MAP3K2: variants seen among roughly 807,000 people sequenced by gnomAD.
MAP3K2 encodes mitogen-activated protein kinase kinase kinase 2, also known as MAP/ERK kinase kinase 2.
A neutral mutation model predicts 80.3 loss-of-function variants in MAP3K2; 24 were observed. The ratio of observed to expected loss-of-function variants is 0.30; its 90% CI spans 0.22 to 0.42. The LOEUF is 0.42. MAP3K2 is among the 10% of genes least tolerant of loss of function. The pLI is 1.00. For missense variants in MAP3K2, 608 were observed against 750.1 expected, an observed-to-expected ratio of 0.81 and a Z score of 2.21; for synonymous variants, 244 against 253.7, an observed-to-expected ratio of 0.96 and a Z score of 0.36.
In MAP3K2 at chr2:127,347,707, T is replaced by A. The variant is rs192203543; in HGVS notation, c.-65-4513A>T. Among the ~76,000 whole-genome samples, 42 of 152,272 alleles carry A rather than the reference T, an allele frequency of 2.8e-4. 1 individual carries two copies. Among genetic ancestry groups the A allele is most frequent in the Admixed American group, 2.7e-3 (41 of 15,300 alleles). On this transcript the variant is annotated intron_variant, in intron 1 of 16. Transcript: ENST00000682094. Reference sequence around the variant, plus strand: ...AATGAACTCTCTATCAAAATTCCAATGGCCTCTTTTAGCAGAAACGGAAAA... The same window carrying A: ...AATGAACTCTCTATCAAAATTCCAAAGGCCTCTTTTAGCAGAAACGGAAAA...
At chr2:127,388,206 C>T (rs1169880824), upstream of MAP3K2, 5 of 985,378 alleles carry the variant, frequency 5.1e-6, no homozygotes, top group African/African-American at 1.7e-5. Flanking sequence ...GCCCCTGCCC[C>T]GGGGCAGCCT....
intron 1 of MAP3K2, among the ~76,000 whole-genome samples, chr2:127,370,638 C>T (rs1461469470): frequency 3.3e-5 from 5 of 152,186 alleles, no homozygotes; most frequent in Non-Finnish European, 7.3e-5. Flanking sequence ...TGTTGTATCC[C>T]ATAACCCATG....
chr2:127,363,199 C>T (rs1558987999), intron 1 of MAP3K2, among the ~76,000 whole-genome samples: 2 of 152,080 alleles, frequency 1.3e-5, no homozygotes, highest in Non-Finnish European at 2.9e-5. Flanking sequence ...ACCAATCCCC[C>T]GCAGATACCA....
chr2:127,344,036 T>C (rs1167560352), intron 1 of MAP3K2, among the ~76,000 whole-genome samples: 1 of 151,840 alleles, frequency 6.6e-6, no homozygotes, highest in Non-Finnish European at 1.5e-5. Flanking sequence ...TTGTATACCA[T>C]TGCAATTAAG....
At chr2:127,378,951 C>T (rs576859346) in intron 1 of MAP3K2, among the ~76,000 whole-genome samples, 2 of 150,342 alleles carry the variant, frequency 1.3e-5, no homozygotes, top group South Asian at 2.1e-4. Flanking sequence ...TGTGCTATCA[C>T]GTCTGGCTAA....
chr2:127,314,684 C>T lies in MAP3K2; in HGVS notation c.1456+70G>A, dbSNP rs1685867548. On this transcript the variant is annotated intron_variant, in intron 15 of 16. Coordinates refer to ENST00000682094, the MANE Select transcript of MAP3K2 (RefSeq NM_001371910.2). ...GATGAATTAATGTTAAATGTCTTAC[C>T]CACATCACTTGTTTCATTCACATTC... 6 of 1,210,582 alleles carry T rather than the reference C, an allele frequency of 5.0e-6. No individual in the cohort carries two copies. The East Asian group carries it at 7.1e-5, about 14-fold the overall frequency. The allele number at this position is 1,210,582 out of a possible 1,614,324, so 75.0% of individuals were successfully genotyped here.
chr2:127,354,003 G>A (rs1488579214), intron 1 of MAP3K2, among the ~76,000 whole-genome samples: 1 of 151,772 alleles, frequency 6.6e-6, no homozygotes, highest in Non-Finnish European at 1.5e-5. Flanking sequence ...TGGATTAAGG[G>A]CGGTACAAGA....
intron 2 of MAP3K2, among the ~76,000 whole-genome samples, chr2:127,342,388 G>GTTGT (rs3223159): frequency 6.8e-6 from 1 of 147,744 alleles, no homozygotes; most frequent in Non-Finnish European, 1.5e-5. Flanking sequence ...TCTTCATGAG[G>GTTGT]GTGTGTGTGT....
chr2:127,305,886 C>T lies in MAP3K2; in HGVS notation c.*1693G>A, dbSNP rs1247572071. 6.7e-6 allele frequency: 1 copy of T among 149,846 alleles called. No homozygotes were observed. Among genetic ancestry groups the T allele is most frequent in the Non-Finnish European group, 1.5e-5 (1 of 67,604 alleles). 9.3% of individuals were successfully genotyped at this position (149,846 alleles called of 1,614,324 possible). A position where few individuals can be genotyped will look rare whatever the true frequency, so the allele number is the denominator to read the frequency against. On this transcript the variant is annotated 3_prime_UTR_variant, in exon 17 of 17. Coordinates refer to ENST00000682094, the MANE Select transcript of MAP3K2 (RefSeq NM_001371910.2). The stretch of plus-strand genomic sequence containing the variant: ...ACATTGTACTAGAAATACGTGGCAG[C>T]TTTTTAACCTTCCCATTAGTAGTTA...
chr2:127,376,387 A>G (rs983267450), intron 1 of MAP3K2, among the ~76,000 whole-genome samples: 2 of 152,258 alleles, frequency 1.3e-5, no homozygotes, highest in South Asian at 4.1e-4. Flanking sequence ...TTGTCATTAA[A>G]TCTATACTGA....
rs1459104299 is a variant in MAP3K2, at chr2:127,302,042, AC to A, written c.*5536del. The A allele has an allele frequency of 1.3e-5, 2 of 152,222 alleles. No individual in the cohort carries two copies. The highest frequency in any genetic ancestry group is 2.9e-5 in the Non-Finnish European group (2 of 68,032). The allele number at this position is 152,222 out of a possible 1,614,324, so 9.4% of individuals were successfully genotyped here. Reference sequence around the variant, plus strand: ...TTCCCCTAGCCAACCAAAAAGAGGTACAAGAGAATTTCCTTGTGAATACTTG... The same window carrying A: ...TTCCCCTAGCCAACCAAAAAGAGGTAAAGAGAATTTCCTTGTGAATACTTG... On this transcript the variant is annotated 3_prime_UTR_variant, in exon 17 of 17. Coordinates refer to ENST00000682094, the MANE Select transcript of MAP3K2 (RefSeq NM_001371910.2).
intron 1 of MAP3K2, among the ~76,000 whole-genome samples, chr2:127,375,443 C>T (rs1293678725): frequency 1.3e-5 from 2 of 149,784 alleles, no homozygotes; most frequent in Non-Finnish European, 3.0e-5. Context: ...CAGAGTCTCA[C>T]TCTGTCACCA....
intron 1 of MAP3K2, among the ~76,000 whole-genome samples, chr2:127,361,262 A>G (rs11888589): frequency 0.98 from 145,473 of 147,864 alleles, 71,615 homozygotes; most frequent in East Asian, 1. Flanking sequence ...GCAGTGGGTG[A>G]AGATCACACC....
At position 127,323,820 on chromosome 2, in the gene MAP3K2, T is replaced by A. The variant is rs576020732; in HGVS notation, c.838+82A>T. 1.4e-5 allele frequency: 8 copies of A among 584,220 alleles called. No homozygotes were observed. In the Admixed American group the frequency reaches 3.0e-4, roughly 22 times the overall value. 36.2% of individuals were successfully genotyped at this position (584,220 alleles called of 1,614,324 possible). ...TTTTCTAATGGTATTAACACAAATA[T>A]GAGGTTTTAAAAAATTTTTGTATTT... On this transcript the variant is annotated intron_variant, in intron 11 of 16. Transcript: ENST00000682094.
chr2:127,387,817 G>T lies in MAP3K2; in HGVS notation c.-431C>A, dbSNP rs1315631545. 21 of 984,952 alleles carry T rather than the reference G, an allele frequency of 2.1e-5. No homozygotes were observed. The highest frequency in any genetic ancestry group is 2.4e-5 in the Non-Finnish European group (20 of 829,796). The allele number at this position is 984,952 out of a possible 1,614,324, so 61.0% of individuals were successfully genotyped here. On this transcript the variant is annotated 5_prime_UTR_variant, in exon 1 of 17. Transcript: ENST00000682094. Reference sequence around the variant, plus strand: ...AGACCGGAGAAGAGGCGGGAGTGGCGACTCTGCGGACAGGGGCGCCGAGCG... The same window carrying T: ...AGACCGGAGAAGAGGCGGGAGTGGCTACTCTGCGGACAGGGGCGCCGAGCG...
intron 5 of MAP3K2, 37 bp from the exon 6 acceptor site, chr2:127,330,542 C>T: frequency 9.8e-7 from 1 of 1,019,044 alleles, no homozygotes; most frequent in Non-Finnish European, 1.5e-6. Context: ...AGCTATCTCA[C>T]CAGGTCAAGT....
At chr2:127,329,872 A>C (rs1312052487) in intron 7 of MAP3K2, 49 bp downstream of exon 7, 1 of 1,054,170 alleles carries the variant, frequency 9.5e-7, no homozygotes, top group Admixed American at 1.8e-5. Flanking sequence ...AAGGATGGAG[A>C]AGAAATTGAG....
At chr2:127,344,046 G>A (rs114185160) in intron 1 of MAP3K2, among the ~76,000 whole-genome samples, 1,608 of 152,116 alleles carry the variant, frequency 0.011, 23 homozygotes, top group African/African-American at 0.036. Flanking sequence ...TTGCAATTAA[G>A]TTGATATTAC....
At chr2:127,361,794 T>C (rs113176857) in intron 1 of MAP3K2, among the ~76,000 whole-genome samples, 20 of 152,370 alleles carry the variant, frequency 1.3e-4, no homozygotes, top group African/African-American at 3.8e-4. Context: ...TAGAATGTTT[T>C]AGAGTCACAT....
Sources: allele counts gnomAD v4.1 joint callset (sites outside exome capture counted in the v4.1 genomes callset), GRCh38; gene constraint gnomAD v4.1.1; transcripts MANE v1.5; gene names NCBI Gene and HGNC (gene_info 2026-07-23, HGNC 2026-07-21).